The following IFIT1 variants were observed in gnomAD, a reference collection of about 807,000 sequenced individuals.
The protein encoded by IFIT1 is interferon induced protein with tetratricopeptide repeats 1.
A neutral mutation model predicts 2.5 loss-of-function variants in IFIT1; 1 was observed. The ratio of observed to expected loss-of-function variants is 0.40; its 90% CI spans 0.14 to 1.92. The LOEUF is 1.92. IFIT1 is among the 40% of genes most tolerant of loss of function. The pLI, the probability that IFIT1 is intolerant of heterozygous loss-of-function variation, is 0.31. For synonymous variants in IFIT1, 191 were observed against 201.7 expected (o/e 0.95, Z 0.45); for missense variants, 508 against 557.8 (o/e 0.91, Z 0.90).
intron 1 of IFIT1, among the ~76,000 whole-genome samples, chr10:89,398,998 G>A (rs971701109): frequency 1.3e-5 from 2 of 151,980 alleles, no homozygotes; most frequent in Non-Finnish European, 2.9e-5. Context: ...CCTACTAGCA[G>A]TGCACATTTC....
intron 1 of IFIT1, among the ~76,000 whole-genome samples, chr10:89,398,985 AT>A (rs1844383562): frequency 6.6e-6 from 1 of 152,160 alleles, no homozygotes; most frequent in Non-Finnish European, 1.5e-5. Flanking sequence ...CCCCTTTTAC[AT>A]TCCTACTAGC....
chr10:89,393,043 C>T, intron 1 of IFIT1: 1 of 887,414 alleles, frequency 1.1e-6, no homozygotes, highest in Non-Finnish European at 1.6e-6. Flanking sequence ...CCATCAGATT[C>T]ACTTCTGTCT....
intron 1 of IFIT1, 126 bp downstream of exon 1, chr10:89,392,843 C>A: frequency 1.1e-6 from 1 of 930,566 alleles, no homozygotes; most frequent in Non-Finnish European, 1.7e-6. Flanking sequence ...TGAGTATCTG[C>A]TTATGGACTG....
intron 1 of IFIT1, among the ~76,000 whole-genome samples, chr10:89,395,724 A>T (rs535849149): frequency 6.6e-6 from 1 of 152,198 alleles, no homozygotes; most frequent in African/African-American, 2.4e-5. Flanking sequence ...AGAAAGGCAC[A>T]TTGTAAATAT....
intron 1 of IFIT1, among the ~76,000 whole-genome samples, chr10:89,397,694 T>G (rs1844365069): frequency 6.6e-6 from 1 of 152,136 alleles, no homozygotes; most frequent in East Asian, 1.9e-4. Context: ...TTTTTTCATA[T>G]TTATTGGCCA....
chr10:89,403,745 T>C lies in IFIT1; in HGVS notation c.*33T>C. 8.5e-7 allele frequency: 1 copy of C among 1,174,420 alleles called. No individual in the cohort carries two copies. The highest frequency in any genetic ancestry group is 1.2e-6 in the Non-Finnish European group (1 of 818,028). 72.7% of individuals were successfully genotyped at this position (1,174,420 alleles called of 1,614,324 possible). ...GATATCAGCCACTTTCACATTTCAT[T>C]TCATTTTATGCTAACATTTACTAAT... On this transcript the variant is annotated 3_prime_UTR_variant, in exon 2 of 2. Coordinates refer to ENST00000371804, the MANE Select transcript of IFIT1 (RefSeq NM_001548.5).
At position 89,402,884 on chromosome 10, in the gene IFIT1, G is replaced by T; in HGVS notation, c.609G>T (p.Leu203Phe). The T allele has an allele frequency of 6.2e-7, 1 of 1,614,170 alleles. No homozygotes were observed. The highest frequency in any genetic ancestry group is 8.5e-7 in the Non-Finnish European group (1 of 1,180,040). ...CAAAAAATCACAAGCCATTTTCTTTGCTTCCCCTAAGGCAGGCTGTCCGCT... is the reference window on the plus strand; with the variant it reads ...CAAAAAATCACAAGCCATTTTCTTTTCTTCCCCTAAGGCAGGCTGTCCGCT... ...LATKNHKPFS[L>F]LPLRQAVRLN... The change falls in exon 2 of 2, where the codon TTG becomes TTT. Residue 203 changes from leucine (L) to phenylalanine (F), a missense_variant. Physicochemically the swap from Leu to Phe is conservative, Grantham distance 22 (BLOSUM62 0). Transcript: ENST00000371804.
intron 1 of IFIT1, among the ~76,000 whole-genome samples, chr10:89,397,657 T>A (rs1404520203): frequency 2.0e-5 from 3 of 151,272 alleles, no homozygotes; most frequent in African/African-American, 4.9e-5. Flanking sequence ...ATTATAGGCA[T>A]GAGTCATTGT....
rs1844508553 is a variant in IFIT1 at position 89,405,061 on chromosome 10, A to C, written c.*1349A>C. 6.6e-6 allele frequency: 1 copy of C among 152,260 alleles called. No individual in the cohort carries two copies. Among genetic ancestry groups the C allele is most frequent in the Non-Finnish European group, 1.5e-5 (1 of 68,052 alleles). 9.4% of individuals were successfully genotyped at this position (152,260 alleles called of 1,614,324 possible). On this transcript the variant is annotated 3_prime_UTR_variant, in exon 2 of 2. Coordinates refer to ENST00000371804, the MANE Select transcript of IFIT1 (RefSeq NM_001548.5). ...GCAAGAAACCAAAAATACTGTAATAAACAGGCACATATTCTTCCCAAACCT... is the reference window on the plus strand; with the variant it reads ...GCAAGAAACCAAAAATACTGTAATACACAGGCACATATTCTTCCCAAACCT...
rs754162011 is a variant in IFIT1 at position 89,403,343 on chromosome 10, C to G, written c.1068C>G (p.His356Gln). 1 of 1,613,108 alleles carries G rather than the reference C, an allele frequency of 6.2e-7. No homozygotes were observed. Among genetic ancestry groups the G allele is most frequent in the South Asian group, 1.1e-5 (1 of 90,786 alleles). The change falls in exon 2 of 2, where the codon CAC becomes CAG. Residue 356 changes from histidine (H) to glutamine (Q), a missense_variant. Transcript: ENST00000371804. The part of the protein sequence containing the change: ...LARMYIEAGN[H>Q]RKAEENFQKL... ...GAATGTATATAGAAGCAGGCAATCA[C>G]AGAAAAGCTGAAGAGAATTTTCAAA...
chr10:89,393,886 G>C (rs955179216), intron 1 of IFIT1, among the ~76,000 whole-genome samples: 1 of 152,106 alleles, frequency 6.6e-6, no homozygotes, highest in Non-Finnish European at 1.5e-5. Context: ...GATGGAGTTG[G>C]TACTGATAAT....
intron 1 of IFIT1, among the ~76,000 whole-genome samples, chr10:89,398,680 T>C (rs1220912501): frequency 6.6e-6 from 1 of 152,250 alleles, no homozygotes; most frequent in Non-Finnish European, 1.5e-5. Flanking sequence ...CCTTCAAAGT[T>C]TATCCATGTT....
chr10:89,403,611 G>C lies in IFIT1; in HGVS notation c.1336G>C (p.Val446Leu), dbSNP rs375850117. The change falls in exon 2 of 2, where the codon GTC (valine) becomes CTC (leucine). Residue 446 changes from valine (V) to leucine (L), a missense_variant. Val to Leu is a conservative substitution (Grantham distance 32). Transcript: ENST00000371804. Reference protein sequence around the residue: ...DLESLSLLGFVYKLEGNMNEA... With the variant: ...DLESLSLLGFLYKLEGNMNEA... ...GGAAAGCTTGAGCCTCCTTGGGTTC[G>C]TCTACAAATTGGAAGGAAATATGAA... The C allele has an allele frequency of 1.2e-6, 2 of 1,614,040 alleles. No individual in the cohort carries two copies.
In IFIT1 at chr10:89,402,432, G is replaced by T; in HGVS notation, c.157G>T (p.Gly53Ter). 1 of 1,614,118 alleles carries T rather than the reference G, an allele frequency of 6.2e-7. No individual in the cohort carries two copies. The highest frequency in any genetic ancestry group is 8.5e-7 in the Non-Finnish European group (1 of 1,180,008). ...IEFLDTKYSV[G>*]IHNLLAYVKH... ...ATTCCTAGACACCAAATACAGTGTG[G>T]GAATACACAACCTACTAGCCTATGT... Residue 53 changes from glycine to a stop codon, truncating the protein, a stop_gained, in exon 2 of 2, where the codon GGA becomes TGA. Transcript: ENST00000371804. LOFTEE classifies it low-confidence loss of function (END_TRUNC).
intron 1 of IFIT1, among the ~76,000 whole-genome samples, chr10:89,400,957 T>C (rs946240817): frequency 9.7e-6 from 1 of 102,938 alleles, no homozygotes; most frequent in Admixed American, 8.2e-5. Context: ...CTATAGTCTG[T>C]TTTTTTTTTC....
chr10:89,393,180 TGTGGGTAATACA>T (rs745607507), intron 1 of IFIT1: 1 of 1,290,318 alleles, frequency 7.8e-7, no homozygotes, highest in South Asian at 1.2e-5. Flanking sequence ...TCTGATGTCT[TGTGGGTAATACA>T]GTGGAGATGT....
chr10:89,397,765 A>C (rs1844365925), intron 1 of IFIT1, among the ~76,000 whole-genome samples: 1 of 152,190 alleles, frequency 6.6e-6, no homozygotes, highest in South Asian at 2.1e-4. Context: ...CTGTTGAACT[A>C]TACCAATTTA....
At chr10:89,399,914 A>G (rs532624966) in intron 1 of IFIT1, among the ~76,000 whole-genome samples, 36 of 152,354 alleles carry the variant, frequency 2.4e-4, no homozygotes, top group African/African-American at 8.7e-4. Flanking sequence ...GGATGCAGCA[A>G]GAAGGAGCCA....
In IFIT1 at chr10:89,403,403, A is replaced by C; in HGVS notation, c.1128A>C (p.Thr376=). 13 of 1,613,796 alleles carry C rather than the reference A, an allele frequency of 8.1e-6. No homozygotes were observed. The highest frequency in any genetic ancestry group is 1.1e-5 in the Non-Finnish European group (13 of 1,179,882). Residue 376 remains threonine, a synonymous_variant, in exon 2 of 2, where the codon ACA becomes ACC. Transcript: ENST00000371804. ...GCATGAAACCAGTGGTAGAAGAAACAATGCAAGACATACATTTCCACTATG... is the reference window on the plus strand; with the variant it reads ...GCATGAAACCAGTGGTAGAAGAAACCATGCAAGACATACATTTCCACTATG... ...LLCMKPVVEE[T]MQDIHFHYGR... is the part of the protein sequence containing the mutation.
Sources: gnomAD v4.1 joint callset for allele counts (sites outside exome capture counted in the v4.1 genomes callset) on GRCh38, gnomAD v4.1.1 for gene constraint, MANE v1.5 for transcripts, NCBI Gene and HGNC (gene_info 2026-07-23, HGNC 2026-07-21) for gene names.